The following TNS3 variants were observed in gnomAD, a reference collection of about 807,000 sequenced individuals.
TNS3 encodes the protein tensin 3, also known as tensin-3.
TNS3 carries 45 observed loss-of-function variants against 140.9 expected under a neutral mutation model. That is an observed-to-expected ratio of 0.32 (90% confidence interval 0.25 to 0.41). The LOEUF (loss-of-function observed/expected upper bound fraction) is 0.41. TNS3 is among the 10% of genes least tolerant of loss of function. The pLI, the probability that TNS3 is intolerant of heterozygous loss-of-function variation, is 1.00. For missense variants in TNS3, 1,716 were observed against 1,906.7 expected (o/e 0.90, Z 1.86); for synonymous variants, 815 against 788.4 (o/e 1.03, Z -0.56).
chr7:47,566,550 T>C (rs1800432435), intron 1 of TNS3, among the ~76,000 whole-genome samples: 1 of 152,190 alleles, frequency 6.6e-6, no homozygotes, highest in South Asian at 2.1e-4. Context: ...TGCAAGACAA[T>C]AGTGTTTCTA....
At chr7:47,317,101 C>T (rs1368096432) in intron 20 of TNS3, among the ~76,000 whole-genome samples, 1 of 152,204 alleles carries the variant, frequency 6.6e-6, no homozygotes, top group Non-Finnish European at 1.5e-5. Context: ...ATTTGTTCTA[C>T]AGCTTAAGGT....
chr7:47,461,498 C>A (rs981388470), intron 4 of TNS3, among the ~76,000 whole-genome samples: 2 of 152,162 alleles, frequency 1.3e-5, no homozygotes, highest in African/African-American at 4.8e-5. Context: ...GAAGTAGGAA[C>A]TAGATGAAGA....
chr7:47,456,307 A>G (rs1382420562), intron 4 of TNS3, among the ~76,000 whole-genome samples: 1 of 152,132 alleles, frequency 6.6e-6, no homozygotes, highest in Non-Finnish European at 1.5e-5. Context: ...GGGAGTATTT[A>G]TACCAAAGAA....
chr7:47,516,931 T>G (rs987716791), intron 2 of TNS3, among the ~76,000 whole-genome samples: 2 of 152,050 alleles, frequency 1.3e-5, no homozygotes, highest in African/African-American at 4.8e-5. Context: ...GGCGTGGTGG[T>G]GGGCGCCTGT....
intron 15 of TNS3, among the ~76,000 whole-genome samples, chr7:47,398,407 T>C (rs767584592): frequency 1.8e-4 from 27 of 151,940 alleles, no homozygotes; most frequent in African/African-American, 5.6e-4. Flanking sequence ...CTGATGAACA[T>C]AGATGCAAAA....
intron 4 of TNS3, among the ~76,000 whole-genome samples, chr7:47,476,210 A>G (rs1797188793): frequency 6.6e-6 from 1 of 152,232 alleles, no homozygotes; most frequent in African/African-American, 2.4e-5. Context: ...ACAGAAGAGG[A>G]AAGTGGAGCC....
intron 4 of TNS3, among the ~76,000 whole-genome samples, chr7:47,479,020 C>A (rs927783570): frequency 6.6e-6 from 1 of 152,150 alleles, no homozygotes; most frequent in African/African-American, 2.4e-5. Context: ...TCTTAGCAAC[C>A]ACACCTGTGA....
intron 17 of TNS3, among the ~76,000 whole-genome samples, chr7:47,358,464 G>A (rs943669448): frequency 1.3e-5 from 2 of 152,146 alleles, no homozygotes; most frequent in Non-Finnish European, 2.9e-5. Flanking sequence ...TCACTGTGGC[G>A]TTTATTATCC....
intron 13 of TNS3, 137 bp from the exon 14 acceptor site, chr7:47,401,051 G>A: frequency 7.6e-7 from 1 of 1,314,268 alleles, no homozygotes. Context: ...CTTTGGAGTG[G>A]AACTTCAGCC....
At chr7:47,291,488 A>G (rs1433784092) in intron 27 of TNS3, among the ~76,000 whole-genome samples, 1 of 127,734 alleles carries the variant, frequency 7.8e-6, no homozygotes, top group East Asian at 2.3e-4. Context: ...CACTGCTCTA[A>G]AAAAGAAACT....
At chr7:47,518,774 A>C (rs928857973) in intron 2 of TNS3, among the ~76,000 whole-genome samples, 15 of 152,232 alleles carry the variant, frequency 9.9e-5, no homozygotes, top group African/African-American at 3.6e-4. Flanking sequence ...TCTGATCCTC[A>C]CACAACCCCT....
intron 20 of TNS3, among the ~76,000 whole-genome samples, chr7:47,320,741 G>C (rs552613522): frequency 1.3e-5 from 2 of 152,194 alleles, no homozygotes; most frequent in South Asian, 2.1e-4. Flanking sequence ...CCTGGGGTTC[G>C]GGTTAAGGCA....
chr7:47,323,958 G>A (rs893967701), intron 20 of TNS3, among the ~76,000 whole-genome samples: 4 of 152,216 alleles, frequency 2.6e-5, no homozygotes, highest in Admixed American at 6.5e-5. Flanking sequence ...TATGCACCCG[G>A]ATTTTCTACT....
At chr7:47,308,972 C>T (rs1230346921) in intron 20 of TNS3, among the ~76,000 whole-genome samples, 2 of 152,228 alleles carry the variant, frequency 1.3e-5, no homozygotes, top group Non-Finnish European at 2.9e-5. Flanking sequence ...TCCTGCAAGT[C>T]ATTGTGGTCC....
At chr7:47,481,936 T>C (rs1797434451) in intron 3 of TNS3, among the ~76,000 whole-genome samples, 2 of 152,166 alleles carry the variant, frequency 1.3e-5, no homozygotes, top group Admixed American at 6.5e-5. Context: ...GTAACAATAG[T>C]GCCTTCCGGG....
At chr7:47,442,426 A>G (rs958585318) in intron 4 of TNS3, among the ~76,000 whole-genome samples, 3 of 152,244 alleles carry the variant, frequency 2.0e-5, no homozygotes, top group Admixed American at 1.3e-4. Context: ...TACTTGAAAG[A>G]ACCAATTAAT....
At chr7:47,548,796 A>G (rs912259790) in intron 1 of TNS3, among the ~76,000 whole-genome samples, 2 of 152,082 alleles carry the variant, frequency 1.3e-5, no homozygotes, top group African/African-American at 4.8e-5. Context: ...AGTCCTGAGC[A>G]CCACCTGCTC....
chr7:47,276,071 G>T lies in TNS3; in HGVS notation c.*2005C>A. 1 of 318,366 alleles carries T rather than the reference G, an allele frequency of 3.1e-6. No individual in the cohort carries two copies. The highest frequency in any genetic ancestry group is 6.2e-6 in the Non-Finnish European group (1 of 161,318). 19.7% of individuals were successfully genotyped at this position (318,366 alleles called of 1,614,324 possible). ...AAAGTACAAACCTCTGCTCCCTGTGGCCACATTCCTGCAGTGGATGAAAAA... is the reference window on the plus strand; with the variant it reads ...AAAGTACAAACCTCTGCTCCCTGTGTCCACATTCCTGCAGTGGATGAAAAA... On this transcript the variant is annotated 3_prime_UTR_variant, in exon 31 of 31. Transcript: ENST00000311160.
chr7:47,323,922 C>T (rs1562593921), intron 20 of TNS3, among the ~76,000 whole-genome samples: 1 of 152,096 alleles, frequency 6.6e-6, no homozygotes, highest in Non-Finnish European at 1.5e-5. Flanking sequence ...GAGCAGAAGA[C>T]AGGAAGGAAA....
Sources: allele counts gnomAD v4.1 joint callset (sites outside exome capture counted in the v4.1 genomes callset), GRCh38; gene constraint gnomAD v4.1.1; transcripts MANE v1.5; gene names NCBI Gene and HGNC (gene_info 2026-07-23, HGNC 2026-07-21).